Variants in SHISA6 observed in about 807,000 individuals in gnomAD.
SHISA6 encodes the protein protein shisa-6.
In SHISA6, 22 loss-of-function variants were observed where a neutral mutation model predicts 47.9. The observed-to-expected ratio is 0.46, with a 90% CI of 0.33 to 0.66. The LOEUF (loss-of-function observed/expected upper bound fraction) is 0.66. Ranked by LOEUF, SHISA6 falls within the 30% of genes least tolerant of loss-of-function variation. SHISA6 has a pLI of 0.02. For missense variants in SHISA6, 680 were observed against 764.6 expected (o/e 0.89, Z 1.30); for synonymous variants, 388 against 337.8 (o/e 1.15, Z -1.63).
chr17:11,500,787 C>T (rs1370341373), intron 3 of SHISA6, among the ~76,000 whole-genome samples: 2 of 152,144 alleles, frequency 1.3e-5, no homozygotes, highest in Non-Finnish European at 2.9e-5. Flanking sequence ...TGTTGCAATT[C>T]CCATCATCTC....
At chr17:11,369,106 C>T (rs1008822865) in intron 2 of SHISA6, among the ~76,000 whole-genome samples, 1 of 152,172 alleles carries the variant, frequency 6.6e-6, no homozygotes, top group Non-Finnish European at 1.5e-5. Flanking sequence ...GAAGTCTATG[C>T]TTTTATCGCC....
chr17:11,452,299 G>A (rs1247569796), intron 3 of SHISA6, among the ~76,000 whole-genome samples: 1 of 152,196 alleles, frequency 6.6e-6, no homozygotes, highest in Non-Finnish European at 1.5e-5. Flanking sequence ...AATCCTCATG[G>A]TTGTGTTTCT....
intron 3 of SHISA6, among the ~76,000 whole-genome samples, chr17:11,467,581 T>C (rs1318350454): frequency 6.6e-6 from 1 of 152,200 alleles, no homozygotes; most frequent in African/African-American, 2.4e-5. Flanking sequence ...TCTAATGCAC[T>C]TAAGAGCCTC....
chr17:11,471,367 G>C (rs1020630344), intron 3 of SHISA6, among the ~76,000 whole-genome samples: 2 of 152,130 alleles, frequency 1.3e-5, no homozygotes, highest in Admixed American at 1.3e-4. Flanking sequence ...CCTCCTGCTG[G>C]TCCTCCCTAT....
intron 2 of SHISA6, among the ~76,000 whole-genome samples, chr17:11,304,345 T>C (rs1391147757): frequency 6.6e-6 from 1 of 152,178 alleles, no homozygotes; most frequent in African/African-American, 2.4e-5. Context: ...TCTCACGTCC[T>C]AGGCTCAAGA....
intron 2 of SHISA6, among the ~76,000 whole-genome samples, chr17:11,333,209 G>A (rs1035707796): frequency 1.3e-5 from 2 of 152,204 alleles, no homozygotes; most frequent in African/African-American, 4.8e-5. Flanking sequence ...TGGTCCATGT[G>A]GAGAGGGAAC....
chr17:11,425,006 CAAAAAA>C (rs34270452), intron 3 of SHISA6, among the ~76,000 whole-genome samples: 1 of 70,050 alleles, frequency 1.4e-5, no homozygotes, highest in African/African-American at 5.3e-5. Context: ...TACTCCGTCT[CAAAAAA>C]AAAAAAAAAA....
chr17:11,259,623 C>A (rs1908149772), intron 1 of SHISA6, among the ~76,000 whole-genome samples: 1 of 152,184 alleles, frequency 6.6e-6, no homozygotes, highest in African/African-American at 2.4e-5. Context: ...GATAACTAAG[C>A]ACTTACGGAA....
intron 3 of SHISA6, among the ~76,000 whole-genome samples, chr17:11,393,573 A>G (rs1489315609): frequency 6.6e-6 from 1 of 152,110 alleles, no homozygotes; most frequent in Non-Finnish European, 1.5e-5. Context: ...GCTCAGCTCT[A>G]TTGTTATTAC....
intron 3 of SHISA6, among the ~76,000 whole-genome samples, chr17:11,409,876 C>A (rs910107100): frequency 6.6e-6 from 1 of 152,152 alleles, no homozygotes; most frequent in Admixed American, 6.5e-5. Flanking sequence ...CCTGGTGAGA[C>A]CATTGGTATG....
At chr17:11,457,064 C>G (rs907489679) in intron 3 of SHISA6, among the ~76,000 whole-genome samples, 7 of 152,156 alleles carry the variant, frequency 4.6e-5, no homozygotes, top group Non-Finnish European at 8.8e-5. Context: ...AGAAGTCAGT[C>G]CCCCTTGTCA....
chr17:11,276,461 C>G (rs977197626), intron 2 of SHISA6, among the ~76,000 whole-genome samples: 2 of 152,168 alleles, frequency 1.3e-5, no homozygotes, highest in African/African-American at 4.8e-5. Context: ...CAATTTCAAA[C>G]CAATGGAATA....
intron 3 of SHISA6, among the ~76,000 whole-genome samples, chr17:11,499,291 G>T (rs1479969962): frequency 1.3e-5 from 2 of 152,182 alleles, no homozygotes; most frequent in African/African-American, 2.4e-5. Flanking sequence ...CCCTCCTCAT[G>T]CAAGGCTAGC....
chr17:11,434,610 T>C (rs994746275), intron 3 of SHISA6, among the ~76,000 whole-genome samples: 1 of 152,246 alleles, frequency 6.6e-6, no homozygotes, highest in African/African-American at 2.4e-5. Flanking sequence ...TTTAGTTTTT[T>C]CAGGTGTCCC....
intron 3 of SHISA6, among the ~76,000 whole-genome samples, chr17:11,468,011 G>A (rs1915852257): frequency 6.6e-6 from 1 of 151,848 alleles, no homozygotes; most frequent in Non-Finnish European, 1.5e-5. Context: ...TTTCAAAGCT[G>A]GAAGGGACCT....
chr17:11,287,349 A>G (rs532787449), intron 2 of SHISA6, among the ~76,000 whole-genome samples: 3 of 152,120 alleles, frequency 2.0e-5, no homozygotes, highest in Admixed American at 6.5e-5. Flanking sequence ...CCAAATATCT[A>G]AATTTTTAGA....
chr17:11,456,475 A>G (rs1915537170), intron 3 of SHISA6, among the ~76,000 whole-genome samples: 1 of 152,226 alleles, frequency 6.6e-6, no homozygotes, highest in Admixed American at 6.5e-5. Flanking sequence ...TCTAGCCTGG[A>G]TTCTGCCACT....
intron 2 of SHISA6, among the ~76,000 whole-genome samples, chr17:11,378,423 A>C (rs1912889871): frequency 6.6e-6 from 1 of 152,164 alleles, no homozygotes; most frequent in East Asian, 1.9e-4. Context: ...GTCCATTTTT[A>C]AACTTAACAT....
intron 3 of SHISA6, among the ~76,000 whole-genome samples, chr17:11,536,479 G>C (rs978636165): frequency 2.0e-5 from 3 of 152,210 alleles, no homozygotes; most frequent in African/African-American, 7.2e-5. Flanking sequence ...AACTTGAGTT[G>C]AGTTTTGTGA....
Sources: gnomAD v4.1 joint callset for allele counts (sites outside exome capture counted in the v4.1 genomes callset) on GRCh38, gnomAD v4.1.1 for gene constraint, MANE v1.5 for transcripts, NCBI Gene and HGNC (gene_info 2026-07-23, HGNC 2026-07-21) for gene names.